FAS: variants seen among roughly 807,000 people sequenced by gnomAD.
FAS encodes the protein tumor necrosis factor receptor superfamily member 6.
Under a neutral mutation model 33.2 loss-of-function variants are expected in FAS, and 5 were observed. That is an observed-to-expected ratio of 0.15 (90% CI 0.08 to 0.32). The LOEUF is 0.32. FAS is among the 10% of genes least tolerant of loss of function. The probability of loss-of-function intolerance (pLI) is 1.00; values close to 1 mark genes in which losing one functional copy is unlikely to be tolerated. For synonymous variants in FAS, 131 were observed against 130.7 expected (o/e 1.00, Z -0.01); for missense variants, 339 against 386.0 (o/e 0.88, Z 1.02).
At chr10:88,986,606 T>G (rs1343984411), upstream of FAS, among the ~76,000 whole-genome samples, 1 of 152,102 alleles carries the variant, frequency 6.6e-6, no homozygotes, top group Non-Finnish European at 1.5e-5. Flanking sequence ...TTCTTAGGCT[T>G]CAGGAATGTG....
At chr10:88,995,697 G>A (rs532731855) in intron 1 of FAS, among the ~76,000 whole-genome samples, 19 of 152,178 alleles carry the variant, frequency 1.2e-4, no homozygotes, top group African/African-American at 3.9e-4. Context: ...GTGTGGTGGC[G>A]TGCCTGTTAT....
chr10:88,979,797 C>A (rs889082063), intron 2 of FAS, among the ~76,000 whole-genome samples: 5 of 152,152 alleles, frequency 3.3e-5, no homozygotes. Context: ...TAATCAAATG[C>A]CAGGAGGATC....
intron 1 of FAS, among the ~76,000 whole-genome samples, chr10:88,994,137 G>A (rs1445481801): frequency 6.6e-6 from 1 of 152,184 alleles, no homozygotes; most frequent in African/African-American, 2.4e-5. Flanking sequence ...ATTTCCTTCT[G>A]AATACTCTTA....
rs1401152334 is a variant in FAS, at chr10:89,015,537, A to G, written c.*1087A>G. 2 of 534,386 alleles carry G rather than the reference A, an allele frequency of 3.7e-6. No individual in the cohort carries two copies. The highest frequency in any genetic ancestry group is 7.8e-5 in the East Asian group (2 of 25,694). 33.1% of individuals were successfully genotyped at this position (534,386 alleles called of 1,614,324 possible). On this transcript the variant is annotated 3_prime_UTR_variant, in exon 9 of 9. Coordinates refer to ENST00000652046, the MANE Select transcript of FAS (RefSeq NM_000043.6). ...AGGAATTGCTCTTGTCATACCCCCA[A>G]GTTTCTAAGATTTAAGATTCTCCTT...
At chr10:88,994,890 CAT>C (rs554650902) in intron 1 of FAS, among the ~76,000 whole-genome samples, 1 of 149,866 alleles carries the variant, frequency 6.7e-6, no homozygotes, top group African/African-American at 2.5e-5. Context: ...TACTGGGATA[CAT>C]ATATATATAT....
chr10:89,012,432 C>T, intron 7 of FAS: 2 of 288,344 alleles, frequency 6.9e-6, no homozygotes, highest in Admixed American at 4.8e-5. Context: ...TCTGCCTCAG[C>T]CTCCCAAAGT....
intron 1 of FAS, among the ~76,000 whole-genome samples, chr10:88,995,139 CTT>C (rs1427221732): frequency 2.0e-5 from 3 of 152,066 alleles, no homozygotes; most frequent in Non-Finnish European, 4.4e-5. Context: ...AATAAATCCT[CTT>C]TATTTTCTGG....
chr10:88,971,758 C>T (rs1846452520), intron 1 of FAS, among the ~76,000 whole-genome samples: 1 of 152,014 alleles, frequency 6.6e-6, no homozygotes, highest in Admixed American at 6.6e-5. Context: ...CTCTTTTTGT[C>T]CTTCCTGCAT....
intron 1 of FAS, 136 bp downstream of exon 1, chr10:88,991,042 CGGGAGG>C (rs1192069980): frequency 8.1e-7 from 1 of 1,227,774 alleles, no homozygotes; most frequent in African/African-American, 1.5e-5. Flanking sequence ...CGGGCTGCTG[CGGGAGG>C]CGTTGGAGAC....
intron 1 of FAS, among the ~76,000 whole-genome samples, chr10:88,997,616 A>G (rs1312329782): frequency 6.6e-6 from 1 of 152,180 alleles, no homozygotes; most frequent in Non-Finnish European, 1.5e-5. Context: ...CAGGTTTTCA[A>G]TAATGTAGTA....
chr10:89,008,409 C>A (rs1848355617), intron 3 of FAS, among the ~76,000 whole-genome samples: 1 of 152,144 alleles, frequency 6.6e-6, no homozygotes, highest in Non-Finnish European at 1.5e-5. Flanking sequence ...GCCTATAAAG[C>A]AATGTTTCTC....
chr10:89,007,398 A>G (rs1420888538), intron 2 of FAS, among the ~76,000 whole-genome samples: 1 of 152,206 alleles, frequency 6.6e-6, no homozygotes, highest in Admixed American at 6.5e-5. Context: ...GTTCTTGGCA[A>G]AGGCATTTCA....
At chr10:89,013,151 G>A (rs906324057) in intron 7 of FAS, among the ~76,000 whole-genome samples, 192 bp from the exon 8 acceptor site, 5 of 151,976 alleles carry the variant, frequency 3.3e-5, no homozygotes, top group Admixed American at 6.6e-5. Context: ...TGGCAAGGCC[G>A]GAACCTTTCA....
upstream of FAS, among the ~76,000 whole-genome samples, chr10:88,988,483 T>C (rs765664667): frequency 2.4e-4 from 36 of 151,502 alleles, no homozygotes; most frequent in Non-Finnish European, 4.3e-4. Flanking sequence ...TCAAGATTCT[T>C]GTTTAAGTGT....
At chr10:89,003,737 C>T (rs1490666155) in intron 2 of FAS, among the ~76,000 whole-genome samples, 1 of 152,002 alleles carries the variant, frequency 6.6e-6, no homozygotes, top group East Asian at 1.9e-4. Flanking sequence ...CTTTGAAGGG[C>T]AAACTAATTT....
chr10:89,003,452 C>A (rs1471812151), intron 2 of FAS, among the ~76,000 whole-genome samples: 1 of 152,130 alleles, frequency 6.6e-6, no homozygotes, highest in Non-Finnish European at 1.5e-5. Flanking sequence ...TATTTGGCTC[C>A]ATTTTTTTCT....
At chr10:88,990,736 A>T (rs773950456), upstream of FAS, 1 of 980,934 alleles carries the variant, frequency 1.0e-6, no homozygotes, top group Non-Finnish European at 1.6e-6. The surrounding 1 kb of genome is among the most constrained non-coding windows in gnomAD (Gnocchi z 4.9). Context: ...CTGGAGCCTC[A>T]GGGGCGGGCA....
At chr10:88,999,172 TA>T (rs1305255295) in intron 1 of FAS, among the ~76,000 whole-genome samples, 1 of 143,974 alleles carries the variant, frequency 6.9e-6, no homozygotes, top group Non-Finnish European at 1.5e-5. Flanking sequence ...AATAAATAAA[TA>T]AAATAAAATA....
intron 1 of FAS, 161 bp from the exon 2 acceptor site, chr10:89,002,868 C>A: frequency 1.4e-6 from 1 of 737,324 alleles, no homozygotes; most frequent in Non-Finnish European, 2.3e-6. Flanking sequence ...TACAAGTGAC[C>A]TGCTGCTTTC....
Sources: allele counts gnomAD v4.1 joint callset (sites outside exome capture counted in the v4.1 genomes callset), GRCh38; gene constraint gnomAD v4.1.1; non-coding constraint Gnocchi (gnomAD v3.1); transcripts MANE v1.5; gene names NCBI Gene and HGNC (gene_info 2026-07-23, HGNC 2026-07-21).